TCF7L2: variants seen among roughly 807,000 people sequenced by gnomAD.
TCF7L2 encodes the protein transcription factor 7-like 2.
A neutral mutation model predicts 77.9 loss-of-function variants in TCF7L2; 23 were observed. That is an observed-to-expected ratio of 0.30 (90% CI 0.21 to 0.42). The LOEUF is 0.42. TCF7L2 is among the 10% of genes least tolerant of loss of function. The pLI, the probability that TCF7L2 is intolerant of heterozygous loss-of-function variation, is 1.00. For synonymous variants in TCF7L2, 413 were observed against 340.2 expected (o/e 1.21, Z -2.36); for missense variants, 654 against 793.1 (o/e 0.82, Z 2.11).
chr10:113,079,642 A>T (rs192289180), intron 5 of TCF7L2, among the ~76,000 whole-genome samples: 13 of 152,242 alleles, frequency 8.5e-5, no homozygotes, highest in African/African-American at 2.9e-4. Flanking sequence ...TGTTATACTT[A>T]TTCTGGCAGA....
chr10:113,163,391 C>CCA (rs1432275234), intron 13 of TCF7L2, among the ~76,000 whole-genome samples: 2 of 152,208 alleles, frequency 1.3e-5, no homozygotes, highest in African/African-American at 2.4e-5. Context: ...CTGCTTGGTG[C>CCA]TGTTCCCTTG....
At chr10:113,007,469 C>T (rs2045766421) in intron 4 of TCF7L2, among the ~76,000 whole-genome samples, 1 of 152,212 alleles carries the variant, frequency 6.6e-6, no homozygotes, top group Admixed American at 6.5e-5. Flanking sequence ...AGCCTTTGAT[C>T]TTTTGCTTTG....
At chr10:113,076,121 G>A (rs2058665575) in intron 5 of TCF7L2, among the ~76,000 whole-genome samples, 1 of 123,330 alleles carries the variant, frequency 8.1e-6, no homozygotes, top group Non-Finnish European at 1.6e-5. Context: ...AGGCAACAGA[G>A]CAAGACTCCA....
At chr10:112,985,325 C>T (rs977532372) in intron 4 of TCF7L2, among the ~76,000 whole-genome samples, 43 of 152,132 alleles carry the variant, frequency 2.8e-4, no homozygotes, top group African/African-American at 9.9e-4. Flanking sequence ...TTCTCCTTGT[C>T]AGATGGATAT....
intron 4 of TCF7L2, among the ~76,000 whole-genome samples, chr10:112,976,172 T>C (rs142511108): frequency 6.6e-6 from 1 of 152,186 alleles, no homozygotes; most frequent in East Asian, 1.9e-4. Context: ...TATATAATGA[T>C]CTGGGCAGTA....
chr10:113,165,991 C>A lies in TCF7L2; in HGVS notation c.*19C>A, dbSNP rs201172396. ...AGAATAGCTTTAGCGTCGTGAACCC[C>A]GCTGCTTTGTTTATGGTTTTGTTTC... On this transcript the variant is annotated 3_prime_UTR_variant, in exon 14 of 14. Coordinates refer to ENST00000627217, the MANE Select transcript of TCF7L2 (RefSeq NM_001146274.2). 2.9e-4 allele frequency: 428 copies of A among 1,465,586 alleles called. 3 individuals are homozygous for A. In the African/African-American group the frequency reaches 5.3e-3, roughly 18 times the overall value. 90.8% of individuals were successfully genotyped at this position (1,465,586 alleles called of 1,614,324 possible). A position where few individuals can be genotyped will look rare whatever the true frequency, so the allele number is the denominator to read the frequency against.
chr10:112,979,157 C>T (rs963434512), intron 4 of TCF7L2, among the ~76,000 whole-genome samples: 1 of 152,052 alleles, frequency 6.6e-6, no homozygotes, highest in African/African-American at 2.4e-5. Flanking sequence ...GAGACTTCGC[C>T]TGTTGAAAGG....
chr10:113,078,437 G>C lies in TCF7L2; in HGVS notation c.552+38311G>C, dbSNP rs2058959724. 2.0e-5 allele frequency among the ~76,000 whole-genome samples: 3 copies of C among 152,200 alleles called. No individual in the cohort carries two copies. In the South Asian group the frequency reaches 6.2e-4, roughly 32 times the overall value. ...TATTTTTTGAGCAGGATCTCACTGT[G>C]TTGCCCAGGCTGAAGTGCAATGGCC... On this transcript the variant is annotated intron_variant, in intron 5 of 13. Coordinates refer to ENST00000627217, the MANE Select transcript of TCF7L2 (RefSeq NM_001146274.2).
intron 5 of TCF7L2, among the ~76,000 whole-genome samples, chr10:113,079,859 T>C (rs1202833165): frequency 1.3e-5 from 2 of 152,100 alleles, no homozygotes; most frequent in African/African-American, 4.8e-5. Flanking sequence ...AGTTTCACCA[T>C]GTTGGCCAGG....
chr10:112,976,975 CTTTT>C (rs11321606), intron 4 of TCF7L2, among the ~76,000 whole-genome samples: 1 of 143,258 alleles, frequency 7.0e-6, no homozygotes. Flanking sequence ...GCAATATTAC[CTTTT>C]TTTTTTTTTT....
At chr10:113,115,028 G>C (rs528418600) in intron 5 of TCF7L2, among the ~76,000 whole-genome samples, 5 of 152,242 alleles carry the variant, frequency 3.3e-5, no homozygotes, top group Non-Finnish European at 7.3e-5. Flanking sequence ...AGATATGCTT[G>C]AACAGGGATG....
At chr10:112,990,835 G>A (rs2042407017) in intron 4 of TCF7L2, among the ~76,000 whole-genome samples, 1 of 152,158 alleles carries the variant, frequency 6.6e-6, no homozygotes, top group South Asian at 2.1e-4. Context: ...CATCTCAATG[G>A]GTTTTGAGTG....
chr10:113,130,859 G>A (rs1467549544), intron 5 of TCF7L2, among the ~76,000 whole-genome samples: 9 of 151,940 alleles, frequency 5.9e-5, no homozygotes, highest in African/African-American at 1.7e-4. Flanking sequence ...TCCACCTCCC[G>A]GGTTCAAGCA....
intron 5 of TCF7L2, among the ~76,000 whole-genome samples, chr10:113,057,548 G>A (rs1257816895): frequency 6.6e-6 from 1 of 152,138 alleles, no homozygotes; most frequent in Non-Finnish European, 1.5e-5. Flanking sequence ...GGTATAGGGA[G>A]GAAGGCATAG....
chr10:113,122,251 T>C (rs1467818361), intron 5 of TCF7L2, among the ~76,000 whole-genome samples: 2 of 152,210 alleles, frequency 1.3e-5, no homozygotes, highest in Non-Finnish European at 2.9e-5. Flanking sequence ...AACTTCTCTA[T>C]GAAACTGAGA....
chr10:113,012,480 A>C (rs1051287700), intron 4 of TCF7L2, among the ~76,000 whole-genome samples: 1 of 118,080 alleles, frequency 8.5e-6, no homozygotes, highest in Admixed American at 7.6e-5. Context: ...GGTCTGAACT[A>C]GTGGAAAGGC....
intron 12 of TCF7L2, chr10:113,160,561 C>T (rs1179016872): frequency 6.7e-7 from 1 of 1,483,790 alleles, no homozygotes; most frequent in Admixed American, 2.1e-5. Context: ...GATTTCACAT[C>T]CAACTGAGCA....
chr10:113,089,573 G>C, intron 5 of TCF7L2: 4 of 1,607,890 alleles, frequency 2.5e-6, no homozygotes, highest in Non-Finnish European at 3.4e-6. Context: ...GGTATGAGAT[G>C]AGCTAGCTCT....
At chr10:113,017,210 T>A (rs530002132) in intron 4 of TCF7L2, among the ~76,000 whole-genome samples, 23 of 152,200 alleles carry the variant, frequency 1.5e-4, no homozygotes, top group Non-Finnish European at 3.4e-4. Flanking sequence ...TAAGACTTTC[T>A]TAAACCATGA....
Sources: allele counts gnomAD v4.1 joint callset (sites outside exome capture counted in the v4.1 genomes callset), GRCh38; gene constraint gnomAD v4.1.1; transcripts MANE v1.5; gene names NCBI Gene and HGNC (gene_info 2026-07-23, HGNC 2026-07-21).